CDKL1: variants seen among roughly 807,000 people sequenced by gnomAD.
CDKL1 encodes the protein cyclin-dependent kinase-like 1.
CDKL1 carries 41 observed loss-of-function variants against 42.0 expected under a neutral mutation model. The observed-to-expected ratio is 0.98, with a 90% CI of 0.76 to 1.27. The LOEUF (loss-of-function observed/expected upper bound fraction) is 1.27. CDKL1 is among the 50% of genes most tolerant of loss of function. The pLI, the probability that CDKL1 is intolerant of heterozygous loss-of-function variation, is 0.00. For synonymous variants in CDKL1, 153 were observed against 158.6 expected (o/e 0.96, Z 0.26); for missense variants, 394 against 428.4 (o/e 0.92, Z 0.71).
chr14:50,389,308 C>T (rs1026111060), intron 2 of CDKL1, among the ~76,000 whole-genome samples: 6 of 152,168 alleles, frequency 3.9e-5, no homozygotes, highest in Admixed American at 1.3e-4. Context: ...AGGATACACT[C>T]AACAGTGCCA....
At chr14:50,356,162 C>T (rs1052990934) in intron 3 of CDKL1, among the ~76,000 whole-genome samples, 1 of 152,208 alleles carries the variant, frequency 6.6e-6, no homozygotes, top group Non-Finnish European at 1.5e-5. Flanking sequence ...GCATCAGTAG[C>T]TTATGCTTTG....
At chr14:50,364,477 T>C (rs1268888479) in intron 2 of CDKL1, among the ~76,000 whole-genome samples, 5 of 152,156 alleles carry the variant, frequency 3.3e-5, no homozygotes, top group African/African-American at 1.2e-4. Flanking sequence ...TCTAAATAAA[T>C]AAATAAATTT....
chr14:50,348,668 C>T (rs781660408), intron 3 of CDKL1, among the ~76,000 whole-genome samples: 6 of 152,098 alleles, frequency 3.9e-5, no homozygotes, highest in Non-Finnish European at 8.8e-5. Context: ...AGCTAGAAAA[C>T]CATAGTGAAG....
At chr14:50,363,507 A>T (rs1212157559) in intron 2 of CDKL1, among the ~76,000 whole-genome samples, 1 of 152,226 alleles carries the variant, frequency 6.6e-6, no homozygotes, top group Non-Finnish European at 1.5e-5. Flanking sequence ...CGCAGAAAGC[A>T]GAAGTTTTCT....
At chr14:50,343,063 G>C in intron 4 of CDKL1, 14 of 1,313,858 alleles carry the variant, frequency 1.1e-5, no homozygotes, top group Non-Finnish European at 1.4e-5. Flanking sequence ...GGTGATCTTA[G>C]AGAAAAGAAC....
chr14:50,356,843 A>G (rs1231640366), intron 3 of CDKL1, among the ~76,000 whole-genome samples: 1 of 152,156 alleles, frequency 6.6e-6, no homozygotes, highest in Non-Finnish European at 1.5e-5. Flanking sequence ...TCCCATATTA[A>G]AGCATTTTCT....
chr14:50,336,268 T>A (rs746421119), intron 7 of CDKL1: 1 of 1,244,744 alleles, frequency 8.0e-7, no homozygotes, highest in Non-Finnish European at 1.0e-6. Context: ...TGCCTCTTCC[T>A]GTGTTTCTGT....
chr14:50,393,020 AC>A (rs1352890210), intron 2 of CDKL1, among the ~76,000 whole-genome samples: 2 of 152,080 alleles, frequency 1.3e-5, no homozygotes, highest in Non-Finnish European at 2.9e-5. Flanking sequence ...GCCTGTTAGC[AC>A]CCACTGGGCA....
Position 50,330,224 on chromosome 14 carries a change from G to T in CDKL1, c.967-43C>A, listed in dbSNP as rs11570884. 1,832 of 1,576,260 alleles carry T rather than the reference G, an allele frequency of 1.2e-3. 16 individuals carry two copies. The African/African-American group carries it at 0.015, about 13-fold the overall frequency. Reference sequence around the variant, plus strand: ...AGAATTAGGTTCAAAACTGTGCCATGCATTTTTTTCATTATTTAGAATATA... The same window carrying T: ...AGAATTAGGTTCAAAACTGTGCCATTCATTTTTTTCATTATTTAGAATATA... On this transcript the variant is annotated intron_variant, in intron 9 of 9. Transcript: ENST00000395834.
Position 50,390,574 on chromosome 14 carries a change from G to T in CDKL1, c.168+5127C>A, listed in dbSNP as rs1019302055. The T allele has an allele frequency of 2.3e-5, 7 of 298,364 alleles. No homozygotes were observed. In the Admixed American group the frequency reaches 3.6e-4, roughly 15 times the overall value. 18.5% of individuals were successfully genotyped at this position (298,364 alleles called of 1,614,324 possible). ...TATGGTTTGTATTTGTTTTGTATCT[G>T]TTTGTTTTGGTTTGTATTACTTTGT... On this transcript the variant is annotated intron_variant, in intron 2 of 9. Transcript: ENST00000395834.
At chr14:50,393,724 C>G (rs1185023517) in intron 2 of CDKL1, among the ~76,000 whole-genome samples, 2 of 152,208 alleles carry the variant, frequency 1.3e-5, no homozygotes, top group Admixed American at 1.3e-4. Flanking sequence ...TACCTATAAT[C>G]TAGTCCCACC....
At chr14:50,330,803 T>G (rs986253422) in intron 9 of CDKL1, 3 of 152,358 alleles carry the variant, frequency 2.0e-5, no homozygotes, top group Admixed American at 1.3e-4. Flanking sequence ...TTTTTTGTAT[T>G]GCACTATATG....
At position 50,390,351 on chromosome 14, in the gene CDKL1, A is replaced by G; in HGVS notation, c.168+5350T>C. On this transcript the variant is annotated intron_variant, in intron 2 of 9. Coordinates refer to ENST00000395834, the MANE Select transcript of CDKL1 (RefSeq NM_004196.7). ...GTCCTTGACCTCCAACTCCGCTAGG[A>G]GCATCTACTTTTTCTGCCACTGCTG... is the stretch of plus-strand genomic sequence containing the variant. The G allele has an allele frequency of 2.2e-6, 3 of 1,366,216 alleles. No homozygotes were observed. In the South Asian group the frequency reaches 3.4e-5, roughly 16 times the overall value. 84.6% of individuals were successfully genotyped at this position (1,366,216 alleles called of 1,614,324 possible).
chr14:50,374,546 C>G (rs559122595), intron 2 of CDKL1, among the ~76,000 whole-genome samples: 1 of 152,334 alleles, frequency 6.6e-6, no homozygotes, highest in Non-Finnish European at 1.5e-5. Flanking sequence ...AAAGCTGATA[C>G]AGGTTTCCAG....
Position 50,329,961 on chromosome 14 carries a change from G to GT in CDKL1, c.*112dup, listed in dbSNP as rs1595235843. 1.5e-6 allele frequency: 2 copies of GT among 1,301,878 alleles called. No homozygotes were observed. Among genetic ancestry groups the GT allele is most frequent in the Non-Finnish European group, 2.0e-6 (2 of 982,812 alleles). 80.6% of individuals were successfully genotyped at this position (1,301,878 alleles called of 1,614,324 possible). On this transcript the variant is annotated 3_prime_UTR_variant, in exon 10 of 10. Transcript: ENST00000395834. Reference sequence around the variant, plus strand: ...GTTGGCCTCCCAGTTTCTTGCTTATGTTTTCTCCTGGTGTGTTTTCAACAT... The same window carrying GT: ...GTTGGCCTCCCAGTTTCTTGCTTATGTTTTTCTCCTGGTGTGTTTTCAACAT...
At chr14:50,334,385 G>C in intron 8 of CDKL1, 180 bp downstream of exon 8, 1 of 573,114 alleles carries the variant, frequency 1.7e-6, no homozygotes. Flanking sequence ...CTGACCTCAG[G>C]TGATCTGCCT....
chr14:50,369,500 A>AT (rs2034526958), intron 2 of CDKL1, among the ~76,000 whole-genome samples: 1 of 151,082 alleles, frequency 6.6e-6, no homozygotes, highest in South Asian at 2.1e-4. Flanking sequence ...GGTATATTTA[A>AT]TTTTTTGTTG....
intron 4 of CDKL1, among the ~76,000 whole-genome samples, chr14:50,343,954 T>C (rs1364035582): frequency 6.6e-6 from 1 of 152,194 alleles, no homozygotes; most frequent in Admixed American, 6.5e-5. Flanking sequence ...GAAAAATCAT[T>C]TGGAACAATA....
intron 2 of CDKL1, among the ~76,000 whole-genome samples, chr14:50,360,187 A>ACAG (rs2034194886): frequency 6.6e-6 from 1 of 152,138 alleles, no homozygotes; most frequent in Admixed American, 6.5e-5. Flanking sequence ...TTCCGCCCTG[A>ACAG]TTTTTAGAAC....
Sources: allele counts gnomAD v4.1 joint callset (sites outside exome capture counted in the v4.1 genomes callset), GRCh38; gene constraint gnomAD v4.1.1; transcripts MANE v1.5; gene names NCBI Gene and HGNC (gene_info 2026-07-23, HGNC 2026-07-21).